SLC4A4: variants seen among roughly 807,000 people sequenced by gnomAD.
SLC4A4 encodes solute carrier family 4 member 4.
A neutral mutation model predicts 111.5 loss-of-function variants in SLC4A4; 27 were observed. The observed-to-expected ratio is 0.24, with a 90% confidence interval of 0.18 to 0.33. The LOEUF is 0.33. Among genes scored for constraint, SLC4A4 ranks in the 10% least tolerant of loss-of-function variants. The probability of loss-of-function intolerance (pLI) is 1.00; values close to 1 mark genes in which losing one functional copy is unlikely to be tolerated. For synonymous variants in SLC4A4, 443 were observed against 463.4 expected (o/e 0.96, Z 0.57); for missense variants, 909 against 1,315.5 (o/e 0.69, Z 4.78).
intron 3 of SLC4A4, among the ~76,000 whole-genome samples, chr4:71,278,812 T>C (rs978666660): frequency 2.6e-5 from 4 of 152,188 alleles, no homozygotes; most frequent in Non-Finnish European, 5.9e-5. Context: ...ATTATTGTTA[T>C]TACTATTTTT....
At position 71,163,096 on chromosome 4, in the gene SLC4A4, A is replaced by G. The variant is rs76996615; in HGVS notation, c.-2+70304A>G. 7.1e-3 allele frequency among the ~76,000 whole-genome samples: 1,079 copies of G among 152,362 alleles called. 8 individuals are homozygous for G. The highest frequency in any genetic ancestry group is 0.03 in the South Asian group (146 of 4,826). On this transcript the variant is annotated intron_variant, in intron 2 of 26. Coordinates refer to the SLC4A4 transcript ENST00000649996. ...ACTGGCAAGAAAACAATTTTAGGCC[A>G]GGTTGGTAACATCAGATGCATTATT...
chr4:71,502,187 T>C (rs111660028), intron 16 of SLC4A4, among the ~76,000 whole-genome samples: 28 of 152,324 alleles, frequency 1.8e-4, no homozygotes, highest in African/African-American at 6.5e-4. Context: ...TCTTGAACTG[T>C]TGATCTCAAG....
intron 15 of SLC4A4, 93 bp from the exon 16 acceptor site, chr4:71,497,408 T>C (rs1730511050): frequency 2.9e-6 from 3 of 1,046,272 alleles, no homozygotes; most frequent in Non-Finnish European, 4.3e-6. Context: ...TTACAGAAAC[T>C]TTTGGTATAA....
chr4:71,504,360 CTTCAAG>C (rs1351591454), intron 16 of SLC4A4, among the ~76,000 whole-genome samples: 4 of 152,048 alleles, frequency 2.6e-5, no homozygotes, highest in African/African-American at 9.7e-5. Flanking sequence ...CAAAAGATGA[CTTCAAG>C]TTCAGGAACT....
chr4:71,180,340 A>C (rs1171373097), intron 2 of SLC4A4, among the ~76,000 whole-genome samples: 3 of 152,230 alleles, frequency 2.0e-5, no homozygotes, highest in South Asian at 2.1e-4. Flanking sequence ...CAAAAGCCAA[A>C]ATTGACAAAT....
chr4:71,420,555 T>G (rs1293451151), intron 7 of SLC4A4, among the ~76,000 whole-genome samples: 1 of 151,980 alleles, frequency 6.6e-6, no homozygotes, highest in African/African-American at 2.4e-5. Flanking sequence ...AAAGTTGAAA[T>G]GAAGGAAAAA....
chr4:71,167,400 G>A (rs1392893953), intron 2 of SLC4A4, among the ~76,000 whole-genome samples: 1 of 152,134 alleles, frequency 6.6e-6, no homozygotes, highest in Non-Finnish European at 1.5e-5. Context: ...GTGCTGTATT[G>A]GTCAAAGCGG....
chr4:71,445,218 G>A (rs980859473), intron 8 of SLC4A4, among the ~76,000 whole-genome samples: 7 of 152,144 alleles, frequency 4.6e-5, no homozygotes, highest in South Asian at 2.1e-4. Flanking sequence ...GTCTGTCCTC[G>A]TCTCATAGGA....
At chr4:71,109,744 T>C (rs1351533157) in intron 2 of SLC4A4, among the ~76,000 whole-genome samples, 1 of 152,086 alleles carries the variant, frequency 6.6e-6, no homozygotes, top group African/African-American at 2.4e-5. Flanking sequence ...GTTTTCACTA[T>C]GTTGGCCAGG....
intron 2 of SLC4A4, among the ~76,000 whole-genome samples, chr4:71,155,140 G>A (rs1198596471): frequency 2.0e-5 from 3 of 151,860 alleles, no homozygotes; most frequent in Non-Finnish European, 2.9e-5. Context: ...TGGGTCTAAC[G>A]TTGAAAAAGT....
At chr4:71,476,399 A>G (rs1056447812) in intron 14 of SLC4A4, among the ~76,000 whole-genome samples, 13 of 151,756 alleles carry the variant, frequency 8.6e-5, no homozygotes, top group African/African-American at 3.1e-4. Flanking sequence ...AAATAATTCA[A>G]TGAGTCAATA....
chr4:71,091,073 G>A (rs1055876095), intron 1 of SLC4A4, among the ~76,000 whole-genome samples: 17 of 152,102 alleles, frequency 1.1e-4, no homozygotes, highest in African/African-American at 4.1e-4. Flanking sequence ...TCAGCCTCCT[G>A]AGTAGCTGAG....
intron 2 of SLC4A4, among the ~76,000 whole-genome samples, chr4:71,249,084 A>G (rs550583741): frequency 6.6e-6 from 1 of 152,252 alleles, no homozygotes; most frequent in African/African-American, 2.4e-5. Flanking sequence ...AAGATTTCTT[A>G]TCAGTCTTGC....
intron 5 of SLC4A4, among the ~76,000 whole-genome samples, chr4:71,351,660 G>A (rs1449009058): frequency 2.0e-5 from 3 of 152,164 alleles, no homozygotes; most frequent in Admixed American, 6.5e-5. Context: ...TTCGAGACCA[G>A]TCTGGCCAAC....
At chr4:71,509,187 C>G (rs1050209523) in intron 16 of SLC4A4, among the ~76,000 whole-genome samples, 24 of 152,184 alleles carry the variant, frequency 1.6e-4, no homozygotes, top group Middle Eastern at 3.2e-3. Context: ...CCTTGAAAAC[C>G]AGTACAAGAC....
chr4:71,500,595 C>T (rs775977197), intron 16 of SLC4A4, among the ~76,000 whole-genome samples: 38 of 152,160 alleles, frequency 2.5e-4, no homozygotes, highest in Non-Finnish European at 5.1e-4. Context: ...GCCGGGATTA[C>T]AGGTGTGAGC....
chr4:71,386,648 A>T (rs2148960119), intron 6 of SLC4A4, among the ~76,000 whole-genome samples: 1 of 152,056 alleles, frequency 6.6e-6, no homozygotes, highest in East Asian at 1.9e-4. Flanking sequence ...TTATTGGTCT[A>T]ATCTAAAATC....
At position 71,570,702 on chromosome 4, in the gene SLC4A4, G is replaced by C. The variant is rs1322364433; in HGVS notation, c.*2951G>C. On this transcript the variant is annotated 3_prime_UTR_variant, in exon 26 of 26. Coordinates refer to ENST00000264485, the MANE Select transcript of SLC4A4 (RefSeq NM_001098484.3). Reference sequence around the variant, plus strand: ...GGCTGTGGTTGCAGAAACACTGTTGGAAGAAAAGAGATGACTAAGTCAAGT... The same window carrying C: ...GGCTGTGGTTGCAGAAACACTGTTGCAAGAAAAGAGATGACTAAGTCAAGT... The C allele has an allele frequency of 3.9e-5, 6 of 152,226 alleles. No homozygotes were observed. The highest frequency in any genetic ancestry group is 5.9e-5 in the Non-Finnish European group (4 of 67,876). The allele number at this position is 152,226 out of a possible 1,614,324, so 9.4% of individuals were successfully genotyped here.
intron 3 of SLC4A4, among the ~76,000 whole-genome samples, chr4:71,328,527 A>G (rs1044509922): frequency 1.8e-4 from 27 of 152,170 alleles, no homozygotes; most frequent in African/African-American, 5.5e-4. Context: ...TAACTGGGTG[A>G]TATGATCTCA....
Sources: gnomAD v4.1 joint callset for allele counts (sites outside exome capture counted in the v4.1 genomes callset) on GRCh38, gnomAD v4.1.1 for gene constraint, MANE v1.5 for transcripts, NCBI Gene and HGNC (gene_info 2026-07-23, HGNC 2026-07-21) for gene names.